Variants in ADCY10 observed in about 807,000 individuals in gnomAD.
The protein encoded by ADCY10 is adenylate cyclase 10.
ADCY10 carries 156 observed loss-of-function variants against 183.3 expected under a neutral mutation model. The ratio of observed to expected loss-of-function variants is 0.85; its 90% CI spans 0.75 to 0.97. The LOEUF (loss-of-function observed/expected upper bound fraction) is 0.97. Ranked by LOEUF, ADCY10 falls within the 50% of genes least tolerant of loss-of-function variation. The pLI is 0.00. For synonymous variants in ADCY10, 645 were observed against 670.0 expected (o/e 0.96, Z 0.58); for missense variants, 1,745 against 1,934.3 (o/e 0.90, Z 1.84).
chr1:167,839,563 A>G (rs893064074), intron 21 of ADCY10, among the ~76,000 whole-genome samples: 2 of 152,168 alleles, frequency 1.3e-5, no homozygotes, highest in Non-Finnish European at 2.9e-5. Context: ...TGCAGCCAAT[A>G]CTCATTCTAA....
chr1:167,816,745 A>G (rs1029483192), intron 31 of ADCY10, among the ~76,000 whole-genome samples: 2 of 152,030 alleles, frequency 1.3e-5, no homozygotes, highest in East Asian at 3.9e-4. Context: ...GACAAAATAA[A>G]GACTTCTCAA....
intron 18 of ADCY10, among the ~76,000 whole-genome samples, chr1:167,853,830 CTTTTT>C (rs538462140): frequency 0.01 from 795 of 77,102 alleles, 10 homozygotes; most frequent in Admixed American, 0.039. Context: ...ACTATAGTTA[CTTTTT>C]TTTTTTTTTT....
chr1:167,863,319 T>C (rs1259319919), intron 14 of ADCY10, among the ~76,000 whole-genome samples: 8 of 152,110 alleles, frequency 5.3e-5, no homozygotes, highest in East Asian at 3.9e-4. Flanking sequence ...TTGTGAAATC[T>C]CTCGTTCTGT....
In ADCY10 at chr1:167,875,269, GA is replaced by G; in HGVS notation, c.1407-84del. ...AAGAGTGATTAGTTCTTAGTTCCCA[GA>G]AAGTTTCCTTCTCAATTGCTAACAA... On this transcript the variant is annotated intron_variant, in intron 12 of 32. Coordinates refer to ENST00000367851, the MANE Select transcript of ADCY10 (RefSeq NM_018417.6). 3.5e-6 allele frequency: 5 copies of G among 1,415,570 alleles called. 1 individual carries two copies. Among genetic ancestry groups the G allele is most frequent in the Non-Finnish European group, 5.0e-6 (5 of 1,002,004 alleles). 87.7% of individuals were successfully genotyped at this position (1,415,570 alleles called of 1,614,324 possible). A position where few individuals can be genotyped will look rare whatever the true frequency, so the allele number is the denominator to read the frequency against.
rs1262653612 is a variant in ADCY10 at position 167,825,998 on chromosome 1, A to G, written c.3751-1143T>C. ...TTTGAAAAATACAAACAGGAAAAAT[A>G]AAGTATCTCTAGTGGTGGGAGTATT... On this transcript the variant is annotated intron_variant, in intron 26 of 32. Coordinates refer to ENST00000367851, the MANE Select transcript of ADCY10 (RefSeq NM_018417.6). Among the ~76,000 whole-genome samples the G allele has an allele frequency of 2.0e-5, 3 of 152,354 alleles. No individual in the cohort carries two copies. The East Asian group carries it at 5.8e-4, about 29-fold the overall frequency.
At chr1:167,832,176 C>G (rs558550094) in intron 25 of ADCY10, among the ~76,000 whole-genome samples, 1 of 152,266 alleles carries the variant, frequency 6.6e-6, no homozygotes, top group East Asian at 1.9e-4. Context: ...CAGAGCTCCC[C>G]CAAGATGGAA....
chr1:167,849,001 T>C (rs1665276765), intron 18 of ADCY10, among the ~76,000 whole-genome samples: 1 of 152,092 alleles, frequency 6.6e-6, no homozygotes, highest in Non-Finnish European at 1.5e-5. Context: ...CTCAAAAATG[T>C]TTTGTCTCCC....
At chr1:167,848,518 T>C in intron 18 of ADCY10, 29 bp from the exon 19 acceptor site, 1 of 1,612,772 alleles carries the variant, frequency 6.2e-7, no homozygotes, top group Non-Finnish European at 8.5e-7. Flanking sequence ...GAAGAAAAGT[T>C]GAGTCATTAT....
chr1:167,835,310 T>TTA (rs1488564584), intron 23 of ADCY10, among the ~76,000 whole-genome samples: 13 of 152,120 alleles, frequency 8.5e-5, no homozygotes, highest in Admixed American at 2.6e-4. Context: ...CTGAACAGAT[T>TTA]TATATATATA....
intron 13 of ADCY10, among the ~76,000 whole-genome samples, chr1:167,873,016 G>A (rs984201935): frequency 3.3e-5 from 5 of 151,940 alleles, no homozygotes; most frequent in East Asian, 1.9e-4. Context: ...GTTGTAGTGA[G>A]CTGAGATCGC....
chr1:167,905,988 A>C (rs1472126547), intron 1 of ADCY10, among the ~76,000 whole-genome samples: 3 of 152,116 alleles, frequency 2.0e-5, no homozygotes, highest in African/African-American at 7.2e-5. Flanking sequence ...AGTTACTGGA[A>C]TAGGTTATAC....
At chr1:167,864,009 C>T (rs555774377) in intron 14 of ADCY10, among the ~76,000 whole-genome samples, 1 of 152,214 alleles carries the variant, frequency 6.6e-6, no homozygotes, top group African/African-American at 2.4e-5. Flanking sequence ...TGAGTGGAAG[C>T]ATGGCCTGAT....
chr1:167,820,851 A>T (rs1050203365), intron 30 of ADCY10: 7 of 152,280 alleles, frequency 4.6e-5, no homozygotes, highest in Admixed American at 4.6e-4. Context: ...GTTTGGGAGG[A>T]TCACTTGAGC....
chr1:167,901,695 A>G lies in ADCY10; in HGVS notation c.403T>C (p.Trp135Arg), dbSNP rs1669435790. The G allele has an allele frequency of 1.2e-6, 2 of 1,613,848 alleles. No individual in the cohort carries two copies. The highest frequency in any genetic ancestry group is 1.3e-5 in the African/African-American group (1 of 74,914). Residue 135 changes from tryptophan (W) to arginine (R), a missense_variant, in exon 5 of 33, where the codon TGG becomes CGG. By Grantham distance (101) the Trp-to-Arg change is moderately radical. Coordinates refer to ENST00000367851, the MANE Select transcript of ADCY10 (RefSeq NM_018417.6). ...ACTCGGATGTCTAGGCCTTCTTCCC[A>G]CTCCTGGGTCTCAAACAATCCATGG... is the stretch of plus-strand genomic sequence containing the variant. ...EIHGLFETQEWEEGLDIRVKI... is the reference protein window; with the variant it reads ...EIHGLFETQEREEGLDIRVKI...
At chr1:167,900,284 T>C (rs1669303772) in intron 5 of ADCY10, among the ~76,000 whole-genome samples, 1 of 152,218 alleles carries the variant, frequency 6.6e-6, no homozygotes, top group Admixed American at 6.5e-5. Context: ...TATACTGATT[T>C]GTCAGGGCTG....
intron 6 of ADCY10, among the ~76,000 whole-genome samples, chr1:167,899,115 G>A (rs1669209917): frequency 6.6e-6 from 1 of 152,124 alleles, no homozygotes; most frequent in Non-Finnish European, 1.5e-5. Flanking sequence ...TCTGCTCCTG[G>A]ATGAACCGGC....
chr1:167,818,386 C>A, intron 30 of ADCY10, 119 bp from the exon 31 acceptor site: 1 of 876,584 alleles, frequency 1.1e-6, no homozygotes. Flanking sequence ...AGTGTGTAGT[C>A]TCCTGCCTAC....
intron 21 of ADCY10, among the ~76,000 whole-genome samples, chr1:167,842,144 G>A (rs1664697652): frequency 6.6e-6 from 1 of 152,190 alleles, no homozygotes; most frequent in Non-Finnish European, 1.5e-5. Context: ...TAATGCAGTA[G>A]CCCTGAATCT....
At position 167,822,046 on chromosome 1, in the gene ADCY10, G is replaced by A; in HGVS notation, c.4264C>T (p.Leu1422Phe). 6.3e-7 allele frequency: 1 copy of A among 1,593,304 alleles called. No homozygotes were observed. The highest frequency in any genetic ancestry group is 8.6e-7 in the Non-Finnish European group (1 of 1,161,020). ...LKFHSGLLLG[L>F]YSSVAIWYAR... ...TACCAGATAGCTACAGAGGAATAAA[G>A]TCCCAGGAGGAGTCCACTGTGGAAC... The change falls in exon 30 of 33, where the codon CTT becomes TTT. Residue 1422 changes from leucine to phenylalanine, a missense_variant. Physicochemically the swap from Leu to Phe is conservative, Grantham distance 22. Coordinates refer to ENST00000367851, the MANE Select transcript of ADCY10 (RefSeq NM_018417.6).
Sources: allele counts gnomAD v4.1 joint callset (sites outside exome capture counted in the v4.1 genomes callset), GRCh38; gene constraint gnomAD v4.1.1; transcripts MANE v1.5; gene names NCBI Gene and HGNC (gene_info 2026-07-23, HGNC 2026-07-21).